The following SLC35E2B variants were observed in gnomAD, a reference collection of about 807,000 sequenced individuals.
SLC35E2B encodes the protein solute carrier family 35 member E2B.
A neutral mutation model predicts 32.4 loss-of-function variants in SLC35E2B; 18 were observed. The observed-to-expected ratio is 0.56, with a 90% confidence interval of 0.38 to 0.82. SLC35E2B has a LOEUF of 0.82. Ranked by LOEUF, SLC35E2B falls within the 40% of genes least tolerant of loss-of-function variation. The pLI is 0.00. For synonymous variants in SLC35E2B, 132 were observed against 209.1 expected (o/e 0.63, Z 3.18); for missense variants, 263 against 469.5 (o/e 0.56, Z 4.06).
chr1:1,677,808 C>G (rs761950662), intron 2 of SLC35E2B, among the ~76,000 whole-genome samples: 3 of 152,014 alleles, frequency 2.0e-5, no homozygotes, highest in Non-Finnish European at 2.9e-5. Context: ...ACCCGCTTCA[C>G]GCTCAGGCGA....
At chr1:1,684,887 C>T (rs1366619012) in intron 2 of SLC35E2B, among the ~76,000 whole-genome samples, 1 of 149,826 alleles carries the variant, frequency 6.7e-6, no homozygotes, top group Non-Finnish European at 1.5e-5. Context: ...GGGCAGATCA[C>T]CTGAGGTTGG....
chr1:1,673,097 C>T (rs566564210), intron 5 of SLC35E2B: 38 of 168,124 alleles, frequency 2.3e-4, no homozygotes, highest in Non-Finnish European at 4.4e-4. Flanking sequence ...AAGCCGGACA[C>T]GGCGGCTGAT....
chr1:1,665,081 G>A lies in SLC35E2B; in HGVS notation c.*701C>T, dbSNP rs149396264. ...GCTCACGCAGCCCAGGGTGTGGAAG[G>A]GATAGGAGGGCAGGGTGTGGAAGAG... On this transcript the variant is annotated 3_prime_UTR_variant, in exon 10 of 10. Coordinates refer to ENST00000617444, the MANE Select transcript of SLC35E2B (RefSeq NM_001290264.2). The A allele has an allele frequency of 1.3e-3, 562 of 444,104 alleles. 3 individuals carry two copies. The highest frequency in any genetic ancestry group is 0.011 in the African/African-American group (537 of 47,064). The allele number at this position is 444,104 out of a possible 1,614,324, so 27.5% of individuals were successfully genotyped here.
rs188593527 is a variant in SLC35E2B at position 1,662,950 on chromosome 1, A to G, written c.*2832T>C. The G allele has an allele frequency of 2.3e-5, 21 of 909,910 alleles. No individual in the cohort carries two copies. Among genetic ancestry groups the G allele is most frequent in the East Asian group, 2.3e-4 (2 of 8,694 alleles). 56.4% of individuals were successfully genotyped at this position (909,910 alleles called of 1,614,324 possible). A position where few individuals can be genotyped will look rare whatever the true frequency, so the allele number is the denominator to read the frequency against. ...AGTTATTTTAAAAAATGTCTGTACA[A>G]TCGTTAACACGGCCAAGCCAGGCCT... On this transcript the variant is annotated 3_prime_UTR_variant, in exon 10 of 10. Transcript: ENST00000617444.
rs74045930 is a variant in SLC35E2B at position 1,678,600 on chromosome 1, C to G, written c.-147-1754G>C. ...CAGGACAGCTGCCTCCAAGGGCACC[C>G]CAGGCCTCAGTGAGGAGAAGGCCGA... On this transcript the variant is annotated intron_variant, in intron 2 of 9. Coordinates refer to ENST00000617444, the MANE Select transcript of SLC35E2B (RefSeq NM_001290264.2). 3.4e-3 allele frequency among the ~76,000 whole-genome samples: 522 copies of G among 152,180 alleles called. 6 individuals are homozygous for G. Among genetic ancestry groups the G allele is most frequent in the African/African-American group, 0.012 (496 of 41,502 alleles).
intron 8 of SLC35E2B, 52 bp downstream of exon 8, chr1:1,669,612 C>T (rs534106813): frequency 6.3e-5 from 92 of 1,470,762 alleles, no homozygotes; most frequent in African/African-American, 4.9e-4. Context: ...CCTGAATCAC[C>T]GGAGAAGGCA....
At chr1:1,666,185 G>A (rs1643541299) in intron 9 of SLC35E2B, among the ~76,000 whole-genome samples, 166 bp from the exon 10 acceptor site, 1 of 152,262 alleles carries the variant, frequency 6.6e-6, no homozygotes, top group South Asian at 2.1e-4. Flanking sequence ...CCCGGGTCTG[G>A]AGGCCAGGAT....
At position 1,687,011 on chromosome 1, in the gene SLC35E2B, G is replaced by A. The variant is rs190363880; in HGVS notation, c.-148+3965C>T. 5.6e-4 allele frequency among the ~76,000 whole-genome samples: 85 copies of A among 150,530 alleles called. 1 individual carries two copies. The East Asian group carries it at 0.015, about 27-fold the overall frequency. On this transcript the variant is annotated intron_variant, in intron 2 of 9. Transcript: ENST00000617444. Reference sequence around the variant, plus strand: ...GCGGAGCTTGCAGTGAGCTGAGATCGTGCCACTGCACTCCAGCCTGGGCCA... The same window carrying A: ...GCGGAGCTTGCAGTGAGCTGAGATCATGCCACTGCACTCCAGCCTGGGCCA...
chr1:1,668,819 C>T (rs866560235), intron 8 of SLC35E2B, among the ~76,000 whole-genome samples: 1 of 151,988 alleles, frequency 6.6e-6, no homozygotes, highest in Non-Finnish European at 1.5e-5. Context: ...GGTGAAACCT[C>T]GTCTCTGCTA....
At position 1,665,815 on chromosome 1, in the gene SLC35E2B, C is replaced by T. The variant is rs1453898297; in HGVS notation, c.1185G>A (p.Pro395=). 95 of 1,550,706 alleles carry T rather than the reference C, an allele frequency of 6.1e-5. 2 individuals are homozygous for T. Among genetic ancestry groups the T allele is most frequent in the Admixed American group, 2.0e-4 (10 of 50,986 alleles). Residue 395 remains proline, a synonymous_variant, in exon 10 of 10, where the codon CCG becomes CCA. Transcript: ENST00000617444. ...GCTGCCTGGGGTCCTGTGGAAGCAG[C>T]GGCTCCACTGTGTCGTCTGGGGCCC... ...TGRAPDDTVE[P]LLPQDPRQHP
chr1:1,665,045 G>T lies in SLC35E2B; in HGVS notation c.*737C>A, dbSNP rs1044450542. On this transcript the variant is annotated 3_prime_UTR_variant, in exon 10 of 10. Coordinates refer to ENST00000617444, the MANE Select transcript of SLC35E2B (RefSeq NM_001290264.2). ...CAGGTAGGAGGGCAGGGTGCCCTGGGGTTGCGGGGAGCTCACGCAGCCCAG... is the reference window on the plus strand; with the variant it reads ...CAGGTAGGAGGGCAGGGTGCCCTGGTGTTGCGGGGAGCTCACGCAGCCCAG... 10 of 880,742 alleles carry T rather than the reference G, an allele frequency of 1.1e-5. No homozygotes were observed. Among genetic ancestry groups the T allele is most frequent in the Non-Finnish European group, 1.2e-5 (9 of 734,442 alleles). The allele number at this position is 880,742 out of a possible 1,614,324, so 54.6% of individuals were successfully genotyped here.
At chr1:1,673,968 G>GA (rs143198348) in intron 5 of SLC35E2B, 119 of 109,308 alleles carry the variant, frequency 1.1e-3, no homozygotes, top group African/African-American at 1.5e-3. Context: ...TCTCAAAAAA[G>GA]AAAAAAAAAA....
intron 2 of SLC35E2B, among the ~76,000 whole-genome samples, chr1:1,684,103 T>C (rs1333859747): frequency 6.6e-6 from 1 of 152,020 alleles, no homozygotes; most frequent in African/African-American, 2.4e-5. Context: ...GGCCGCAGGG[T>C]AGACACTCAG....
Position 1,678,826 on chromosome 1 carries a change from G to A in SLC35E2B, c.-147-1980C>T, listed in dbSNP as rs996796193. ...CCTCCCTGGAGCTAGGACTGGCTGG[G>A]CCCTGAGCCAGGGAGCTAGGAGACT... is the stretch of plus-strand genomic sequence containing the variant. On this transcript the variant is annotated intron_variant, in intron 2 of 9. Transcript: ENST00000617444. 9.2e-5 allele frequency among the ~76,000 whole-genome samples: 14 copies of A among 152,302 alleles called. 1 individual carries two copies. Among genetic ancestry groups the A allele is most frequent in the Admixed American group, 2.0e-4 (3 of 15,296 alleles).
chr1:1,668,300 CA>C (rs1361089348), intron 9 of SLC35E2B, 26 bp downstream of exon 9: 1 of 1,591,044 alleles, frequency 6.3e-7, no homozygotes, highest in Admixed American at 1.7e-5. Flanking sequence ...TGGACACACT[CA>C]ACTCTTGGGA....
At chr1:1,682,494 CGGAGCG>C (rs1181558707) in intron 2 of SLC35E2B, among the ~76,000 whole-genome samples, 1 of 152,122 alleles carries the variant, frequency 6.6e-6, no homozygotes, top group Non-Finnish European at 1.5e-5. Context: ...CCAAACCCAC[CGGAGCG>C]GGGGAAGACT....
chr1:1,676,012 CTTTACA>C, intron 4 of SLC35E2B, 46 bp downstream of exon 4: 1 of 1,037,330 alleles, frequency 9.6e-7, no homozygotes, highest in Admixed American at 2.6e-5. Flanking sequence ...ACGAGAGGGA[CTTTACA>C]TTTAAAGAAA....
chr1:1,670,232 C>A (rs919092073), intron 6 of SLC35E2B, 81 bp from the exon 7 acceptor site: 6 of 1,051,052 alleles, frequency 5.7e-6, no homozygotes, highest in Non-Finnish European at 8.6e-6. Context: ...TGCGCTCACA[C>A]GGAGCGATGG....
Position 1,671,424 on chromosome 1 carries a change from C to A in SLC35E2B, c.707+85G>T, listed in dbSNP as rs1002851621. Reference sequence around the variant, plus strand: ...CCTGCTTTGGCTCACGGGAGGAATTCTCAGCTCACCTGAGAATCTGCACAC... The same window carrying A: ...CCTGCTTTGGCTCACGGGAGGAATTATCAGCTCACCTGAGAATCTGCACAC... On this transcript the variant is annotated intron_variant, in intron 6 of 9. Coordinates refer to ENST00000617444, the MANE Select transcript of SLC35E2B (RefSeq NM_001290264.2). 2.3e-6 allele frequency: 3 copies of A among 1,298,732 alleles called. No individual in the cohort carries two copies. The African/African-American group carries it at 4.6e-5, about 20-fold the overall frequency. The allele number at this position is 1,298,732 out of a possible 1,614,324, so 80.5% of individuals were successfully genotyped here.
Sources: allele counts gnomAD v4.1 joint callset (sites outside exome capture counted in the v4.1 genomes callset), GRCh38; gene constraint gnomAD v4.1.1; transcripts MANE v1.5; gene names NCBI Gene and HGNC (gene_info 2026-07-23, HGNC 2026-07-21).